The following NECTIN1 variants were observed in gnomAD, a reference collection of about 807,000 sequenced individuals.
NECTIN1 encodes the protein nectin cell adhesion molecule 1, also known as nectin-1.
In NECTIN1, 23 loss-of-function variants were observed where a neutral mutation model predicts 48.0. That is an observed-to-expected ratio of 0.48 (90% CI 0.34 to 0.68). The LOEUF (loss-of-function observed/expected upper bound fraction) is 0.68, where lower values mean the gene tolerates loss of function less well. Among genes scored for constraint, NECTIN1 ranks in the 30% least tolerant of loss-of-function variants. The pLI, the probability that NECTIN1 is intolerant of heterozygous loss-of-function variation, is 0.01. For missense variants in NECTIN1, 591 were observed against 709.9 expected (o/e 0.83, Z 1.90); for synonymous variants, 270 against 288.9 (o/e 0.93, Z 0.66).
rs1476682909 is a variant in NECTIN1 at position 119,675,278 on chromosome 11, G to A, written c.884C>T (p.Ala295Val). Reference sequence around the variant, plus strand: ...CTTGAAGAAGAGGGTTCTGTTCTGGGCCTCCACACCCTTGGGGAGAGAGCC... The same window carrying A: ...CTTGAAGAAGAGGGTTCTGTTCTGGACCTCCACACCCTTGGGGAGAGAGCC... Reference protein sequence around the residue: ...LNGSLPKGVEAQNRTLFFKGP... With the variant: ...LNGSLPKGVEVQNRTLFFKGP... Residue 295 changes from alanine (A) to valine (V), a missense_variant, in exon 5 of 6, where the codon GCC becomes GTC. Coordinates refer to ENST00000264025, the MANE Select transcript of NECTIN1 (RefSeq NM_002855.5). 1 of 1,614,104 alleles carries A rather than the reference G, an allele frequency of 6.2e-7. No individual in the cohort carries two copies. Among genetic ancestry groups the A allele is most frequent in the South Asian group, 1.1e-5 (1 of 91,066 alleles).
At chr11:119,660,392 G>A (rs546944062), downstream of NECTIN1, among the ~76,000 whole-genome samples, 8 of 151,888 alleles carry the variant, frequency 5.3e-5, no homozygotes, top group African/African-American at 9.7e-5. Flanking sequence ...CAGCCCCCTG[G>A]AGAAAAATGG....
chr11:119,653,269 G>A (rs187555309), intron 5 of NECTIN1, among the ~76,000 whole-genome samples: 36 of 152,274 alleles, frequency 2.4e-4, no homozygotes, highest in Admixed American at 1.9e-3. Context: ...ACAGGATCCC[G>A]GCAAGTAAAA....
intron 5 of NECTIN1, chr11:119,674,259 T>C (rs1258177216): frequency 4.6e-6 from 5 of 1,080,936 alleles, no homozygotes; most frequent in African/African-American, 1.6e-5. Flanking sequence ...TCGGTCACCC[T>C]GTCACCCTGC....
chr11:119,638,367 C>T (rs1388747064), intron 7 of NECTIN1: 16 of 1,300,492 alleles, frequency 1.2e-5, no homozygotes, highest in Middle Eastern at 2.4e-4. Context: ...TTCTGGCATC[C>T]CCCACACTGG....
rs1448703407 is a variant in NECTIN1 at position 119,677,554 on chromosome 11, C to T, written c.733+1G>A. 1 of 1,612,546 alleles carries T rather than the reference C, an allele frequency of 6.2e-7. No individual in the cohort carries two copies. The highest frequency in any genetic ancestry group is 8.5e-7 in the Non-Finnish European group (1 of 1,180,026). ...GGCCCCTGGCAGCCAGCCCTGCTCA[C>T]ACTGCACGTTGAGAGTGAGGCTTTC... is the stretch of plus-strand genomic sequence containing the variant. On this transcript the variant is annotated splice_donor_variant, in intron 3 of 5. Coordinates refer to ENST00000264025, the MANE Select transcript of NECTIN1 (RefSeq NM_002855.5). LOFTEE classifies it high-confidence loss of function. This position sits in a 1 kb window ranked among gnomAD's most constrained non-coding sequence, Gnocchi z 5.4.
chr11:119,645,295 G>C (rs922321249), intron 5 of NECTIN1, among the ~76,000 whole-genome samples: 1 of 152,154 alleles, frequency 6.6e-6, no homozygotes, highest in African/African-American at 2.4e-5. Context: ...GAGAGGCAAG[G>C]GCTGGAGGCA....
chr11:119,726,297 C>G (rs1226511778), intron 1 of NECTIN1, among the ~76,000 whole-genome samples: 1 of 152,118 alleles, frequency 6.6e-6, no homozygotes, highest in Non-Finnish European at 1.5e-5. Context: ...GGCCAACCAG[C>G]CTCCATCCAA....
rs1226484081 is a variant in NECTIN1 at position 119,661,868 on chromosome 11, G to A, written c.*2879C>T. 9 of 985,396 alleles carry A rather than the reference G, an allele frequency of 9.1e-6. No homozygotes were observed. In the African/African-American group the frequency reaches 1.2e-4, roughly 13 times the overall value. The allele number at this position is 985,396 out of a possible 1,614,324, so 61.0% of individuals were successfully genotyped here. A position where few individuals can be genotyped will look rare whatever the true frequency, so the allele number is the denominator to read the frequency against. ...CATGCGTGTACACATGCCTGCGCGT[G>A]GGTGTGTTGGAGGTGTGAGTGTGTC... is the stretch of plus-strand genomic sequence containing the variant. On this transcript the variant is annotated 3_prime_UTR_variant, in exon 6 of 6. Transcript: ENST00000264025.
In NECTIN1 at chr11:119,670,308, G is replaced by A. The variant is rs1041642943; in HGVS notation, c.1003+4851C>T. Reference sequence around the variant, plus strand: ...TTATCTATTGTCTTTCCTCCTATGCGAAAACGTAAGCTCCACAAGGATAGG... The same window carrying A: ...TTATCTATTGTCTTTCCTCCTATGCAAAAACGTAAGCTCCACAAGGATAGG... On this transcript the variant is annotated intron_variant, in intron 5 of 5. Coordinates refer to ENST00000264025, the MANE Select transcript of NECTIN1 (RefSeq NM_002855.5). Among the ~76,000 whole-genome samples the A allele has an allele frequency of 7.2e-5, 11 of 152,058 alleles. 1 individual carries two copies. The highest frequency in any genetic ancestry group is 6.3e-3 in the Middle Eastern group (2 of 316).
At chr11:119,643,487 C>T (rs1380387021) in intron 5 of NECTIN1, among the ~76,000 whole-genome samples, 1 of 152,222 alleles carries the variant, frequency 6.6e-6, no homozygotes, top group Non-Finnish European at 1.5e-5. Context: ...GTGCTGTTCT[C>T]CCTGCCTCAG....
At chr11:119,688,767 G>C (rs533439567) in intron 1 of NECTIN1, among the ~76,000 whole-genome samples, 39 of 152,322 alleles carry the variant, frequency 2.6e-4, no homozygotes, top group Non-Finnish European at 2.1e-4. Flanking sequence ...GGGTCCAGAA[G>C]TGGCTGGGAA....
At chr11:119,726,677 A>G (rs1334700411) in intron 1 of NECTIN1, among the ~76,000 whole-genome samples, 12 of 152,300 alleles carry the variant, frequency 7.9e-5, no homozygotes, top group Non-Finnish European at 1.0e-4. Flanking sequence ...CTGGGGAAAG[A>G]GAATAACAAA....
chr11:119,696,363 A>G (rs1865340320), intron 1 of NECTIN1, among the ~76,000 whole-genome samples: 1 of 152,192 alleles, frequency 6.6e-6, no homozygotes, highest in African/African-American at 2.4e-5. Context: ...AGACTTCAGC[A>G]TCGAAGAGCA....
chr11:119,716,253 G>T (rs1410160571), intron 1 of NECTIN1, among the ~76,000 whole-genome samples: 1 of 152,136 alleles, frequency 6.6e-6, no homozygotes, highest in Non-Finnish European at 1.5e-5. Context: ...TCCCCACAGC[G>T]TTCTGGGGCA....
intron 1 of NECTIN1, among the ~76,000 whole-genome samples, chr11:119,726,587 T>C (rs2134350850): frequency 6.6e-6 from 1 of 152,334 alleles, no homozygotes; most frequent in African/African-American, 2.4e-5. Context: ...TTCACCTCCC[T>C]GCTCCCACTT....
intron 1 of NECTIN1, among the ~76,000 whole-genome samples, chr11:119,696,200 T>C (rs1591472429): frequency 6.6e-6 from 1 of 152,198 alleles, no homozygotes; most frequent in Non-Finnish European, 1.5e-5. Context: ...TGCCTCAGCT[T>C]CCCAAAGTGT....
chr11:119,659,261 G>A (rs952545301), downstream of NECTIN1: 1 of 152,222 alleles, frequency 6.6e-6, no homozygotes, highest in African/African-American at 2.4e-5. Flanking sequence ...TGTGTTGTAA[G>A]TGAATAAATG....
chr11:119,653,064 C>T (rs1371480881), intron 5 of NECTIN1, among the ~76,000 whole-genome samples: 1 of 152,162 alleles, frequency 6.6e-6, no homozygotes, highest in Non-Finnish European at 1.5e-5. Context: ...GGTATGACTC[C>T]ATTTCTGTGA....
At chr11:119,715,896 C>T (rs1033108921) in intron 1 of NECTIN1, among the ~76,000 whole-genome samples, 10 of 152,188 alleles carry the variant, frequency 6.6e-5, no homozygotes, top group African/African-American at 2.4e-4. Flanking sequence ...AGCGTGGATG[C>T]CATGCAGTGC....
Sources: gnomAD v4.1 joint callset for allele counts (sites outside exome capture counted in the v4.1 genomes callset) on GRCh38, gnomAD v4.1.1 for gene constraint, Gnocchi (gnomAD v3.1) non-coding constraint, MANE v1.5 for transcripts, NCBI Gene and HGNC (gene_info 2026-07-23, HGNC 2026-07-21) for gene names.